The following SPTBN4 variants were observed in gnomAD, a reference collection of about 807,000 sequenced individuals.
The protein encoded by SPTBN4 is spectrin beta, non-erythrocytic 4.
In SPTBN4, 96 loss-of-function variants were observed where a neutral mutation model predicts 277.8. The observed-to-expected ratio is 0.35, with a 90% CI of 0.29 to 0.41. The LOEUF (loss-of-function observed/expected upper bound fraction) is 0.41, where lower values mean the gene tolerates loss of function less well. Ranked by LOEUF, SPTBN4 falls within the 10% of genes least tolerant of loss-of-function variation. SPTBN4 has a pLI of 1.00. For synonymous variants in SPTBN4, 1,481 were observed against 1,580.3 expected (o/e 0.94, Z 1.49); for missense variants, 3,006 against 3,595.7 (o/e 0.84, Z 4.19).
intron 3 of SPTBN4, among the ~76,000 whole-genome samples, chr19:40,488,690 G>C (rs2080101354): frequency 6.6e-6 from 1 of 152,174 alleles, no homozygotes; most frequent in Non-Finnish European, 1.5e-5. Context: ...CAGGCCTGTA[G>C]TCCCAAGTAC....
chr19:40,512,055 G>A (rs1420811554), intron 13 of SPTBN4, among the ~76,000 whole-genome samples: 1 of 152,140 alleles, frequency 6.6e-6, no homozygotes, highest in African/African-American at 2.4e-5. Context: ...ACCTGGAGGT[G>A]GAGGTTGCAG....
chr19:40,497,321 C>T, intron 6 of SPTBN4, 168 bp from the exon 7 acceptor site: 1 of 605,272 alleles, frequency 1.7e-6, no homozygotes, highest in Non-Finnish European at 3.0e-6. Context: ...GTCCATCACA[C>T]TCACATCACA....
At chr19:40,564,345 A>G (rs1397864625) in intron 27 of SPTBN4, among the ~76,000 whole-genome samples, 1 of 152,200 alleles carries the variant, frequency 6.6e-6, no homozygotes, top group Non-Finnish European at 1.5e-5. Flanking sequence ...ACAAAAAACT[A>G]TTAATGAGAC....
chr19:40,511,280 C>T (rs572063691), intron 13 of SPTBN4, among the ~76,000 whole-genome samples: 4 of 151,680 alleles, frequency 2.6e-5, no homozygotes, highest in East Asian at 2.0e-4. Flanking sequence ...TGGTGGCACG[C>T]GCCTGTAATC....
At position 40,508,096 on chromosome 19, in the gene SPTBN4, A is replaced by T. The variant is rs564609954; in HGVS notation, c.1816+1710A>T. Among the ~76,000 whole-genome samples the T allele has an allele frequency of 3.9e-5, 6 of 152,344 alleles. No homozygotes were observed. In the South Asian group the frequency reaches 8.3e-4, roughly 21 times the overall value. ...CAGCCAATCATTGTGGCCCCAGGGC[A>T]TGCAGTGATCTAATCGGCCACATGC... On this transcript the variant is annotated intron_variant, in intron 13 of 35. Coordinates refer to ENST00000598249, the MANE Select transcript of SPTBN4 (RefSeq NM_020971.3).
chr19:40,512,949 G>C lies in SPTBN4; in HGVS notation c.2160G>C (p.Arg720=). The change falls in exon 14 of 36, where the codon CGG becomes CGC. Residue 720 remains arginine, a synonymous_variant. Coordinates refer to ENST00000598249, the MANE Select transcript of SPTBN4 (RefSeq NM_020971.3). ...GRRALLQQAL[R]CGEELVAAGG... ...GAGCGTTGCTGCAGCAGGCCCTGCG[G>C]TGTGGCGAGGAGCTGGTTGCGGCCG... The C allele has an allele frequency of 7.1e-7, 1 of 1,417,722 alleles. No homozygotes were observed. Among genetic ancestry groups the C allele is most frequent in the South Asian group, 1.5e-5 (1 of 67,758 alleles). The allele number at this position is 1,417,722 out of a possible 1,614,324, so 87.8% of individuals were successfully genotyped here.
intron 21 of SPTBN4, among the ~76,000 whole-genome samples, chr19:40,549,788 G>A (rs560360625): frequency 6.6e-6 from 1 of 152,322 alleles, no homozygotes; most frequent in East Asian, 1.9e-4. Flanking sequence ...GGATGATAGT[G>A]GGGCCACAGG....
intron 26 of SPTBN4, among the ~76,000 whole-genome samples, chr19:40,557,918 C>CAAAA (rs772813414): frequency 1.1e-4 from 5 of 44,276 alleles, no homozygotes; most frequent in African/African-American, 2.5e-4. Context: ...TACTCTGTCT[C>CAAAA]AAAAAAAAAA....
At position 40,472,786 on chromosome 19, in the gene SPTBN4, G is replaced by C; in HGVS notation, c.165G>C (p.Leu55Phe). 1 of 1,564,318 alleles carries C rather than the reference G, an allele frequency of 6.4e-7. No individual in the cohort carries two copies. Among genetic ancestry groups the C allele is most frequent in the Non-Finnish European group, 8.7e-7 (1 of 1,151,198 alleles). The change falls in exon 2 of 36, where the codon TTG becomes TTC. Residue 55 changes from leucine to phenylalanine, a missense_variant. Leu to Phe is a conservative substitution (Grantham distance 22). Around this residue, in one of 5 missense-constraint regions of SPTBN4, gnomAD observed 114 missense variants for 196.1 expected, o/e 0.58. Transcript: ENST00000598249. The stretch of plus-strand genomic sequence containing the variant: ...TTGAGTGCTCCCGGATCAAGGCCTT[G>C]GCAGGTACCTGGAGGAGGGCTGGGG... Reference protein sequence around the residue: ...SLFECSRIKALADEREAVQKK... With the variant: ...SLFECSRIKAFADEREAVQKK...
At chr19:40,496,236 G>T (rs566730581) in intron 6 of SPTBN4, among the ~76,000 whole-genome samples, 1 of 152,264 alleles carries the variant, frequency 6.6e-6, no homozygotes, top group Admixed American at 6.5e-5. Flanking sequence ...TGCAACCTCT[G>T]CTTCCCAGAT....
rs1342102304 is a variant in SPTBN4, at chr19:40,523,739, G to A, written c.3857+100G>A. 8.4e-6 allele frequency: 9 copies of A among 1,076,968 alleles called. No homozygotes were observed. In the East Asian group the frequency reaches 1.0e-4, roughly 12 times the overall value. The allele number at this position is 1,076,968 out of a possible 1,614,324, so 66.7% of individuals were successfully genotyped here. On this transcript the variant is annotated intron_variant, in intron 17 of 35. Coordinates refer to ENST00000598249, the MANE Select transcript of SPTBN4 (RefSeq NM_020971.3). ...GCCAGGGTCCCACTCCTTTCATCAC[G>A]ATTTCTGCTTCTCTGGGGCTCTTTC...
chr19:40,504,708 C>T (rs898518257), intron 12 of SPTBN4, among the ~76,000 whole-genome samples: 5 of 151,822 alleles, frequency 3.3e-5, no homozygotes, highest in Non-Finnish European at 5.9e-5. Flanking sequence ...ATTAGCTGGG[C>T]GTGGTGGCGT....
At chr19:40,558,871 G>A (rs570683912) in intron 26 of SPTBN4, among the ~76,000 whole-genome samples, 1 of 150,216 alleles carries the variant, frequency 6.7e-6, no homozygotes, top group South Asian at 2.1e-4. Flanking sequence ...GCCTCCCAAA[G>A]TGCTGGGATT....
intron 2 of SPTBN4, among the ~76,000 whole-genome samples, chr19:40,479,185 C>T (rs1453225685): frequency 6.6e-6 from 1 of 152,160 alleles, no homozygotes; most frequent in East Asian, 1.9e-4. Flanking sequence ...GCAGCCTCGA[C>T]CTCCCAGGTT....
intron 2 of SPTBN4, among the ~76,000 whole-genome samples, chr19:40,480,487 A>G (rs550389804): frequency 6.6e-6 from 1 of 152,222 alleles, no homozygotes; most frequent in South Asian, 2.1e-4. Context: ...CCTCCCTATC[A>G]CTACAGTCCA....
chr19:40,476,570 G>A (rs1253945984), intron 2 of SPTBN4, among the ~76,000 whole-genome samples: 2 of 152,006 alleles, frequency 1.3e-5, no homozygotes, highest in Admixed American at 1.3e-4. Flanking sequence ...GTGTAAGTGA[G>A]TTTGTTTTTA....
intron 4 of SPTBN4, among the ~76,000 whole-genome samples, chr19:40,491,713 C>CAAAAAAAAAAAAAAA (rs35237688): frequency 1.0e-4 from 4 of 38,800 alleles, no homozygotes; most frequent in African/African-American, 5.2e-4. Context: ...GACTCTGTCT[C>CAAAAAAAAAAAAAAA]AAAAAAAAAA....
At chr19:40,497,155 G>T (rs1197834471) in intron 6 of SPTBN4, among the ~76,000 whole-genome samples, 2 of 150,938 alleles carry the variant, frequency 1.3e-5, no homozygotes, top group Non-Finnish European at 3.0e-5. Context: ...ATTGTCATAT[G>T]ATTTCACAGA....
chr19:40,488,247 G>A (rs2080095562), intron 3 of SPTBN4, among the ~76,000 whole-genome samples: 1 of 152,168 alleles, frequency 6.6e-6, no homozygotes, highest in African/African-American at 2.4e-5. Context: ...ATTGCGGGTT[G>A]GGGGTGGGTA....
Sources: allele counts gnomAD v4.1 joint callset (sites outside exome capture counted in the v4.1 genomes callset), GRCh38; gene constraint gnomAD v4.1.1; regional missense constraint gnomAD v4.1.1; transcripts MANE v1.5; gene names NCBI Gene and HGNC (gene_info 2026-07-23, HGNC 2026-07-21).